The following LRRK1 variants were observed in gnomAD, a reference collection of about 807,000 sequenced individuals.
LRRK1 encodes leucine-rich repeat serine/threonine-protein kinase 1.
LRRK1 carries 113 observed loss-of-function variants against 209.1 expected under a neutral mutation model. That is an observed-to-expected ratio of 0.54 (90% CI 0.46 to 0.63). LRRK1 has a LOEUF of 0.63. Among genes scored for constraint, LRRK1 ranks in the 30% least tolerant of loss-of-function variants. The pLI is 0.00. For missense variants in LRRK1, 2,284 were observed against 2,632.2 expected (o/e 0.87, Z 2.89); for synonymous variants, 1,144 against 1,099.7 (o/e 1.04, Z -0.80).
chr15:100,988,698 G>T lies in LRRK1; in HGVS notation c.498G>T (p.Leu166=), dbSNP rs199710239. 4.5e-4 allele frequency: 728 copies of T among 1,614,156 alleles called. 5 individuals carry two copies. In the African/African-American group the frequency reaches 7.8e-3, roughly 17 times the overall value. Residue 166 remains leucine, a synonymous_variant, in exon 5 of 34, where the codon CTG becomes CTT. Transcript: ENST00000388948. ...MLALACQRGH[L]GVVKLLVLTH... The stretch of plus-strand genomic sequence containing the variant: ...CCTTGGCTTGCCAGCGAGGGCACCT[G>T]GGGGTTGTGAAGCTCCTGGTCCTGA...
At chr15:101,063,015 T>C (rs2036280925) in intron 31 of LRRK1, among the ~76,000 whole-genome samples, 1 of 152,100 alleles carries the variant, frequency 6.6e-6, no homozygotes, top group Non-Finnish European at 1.5e-5. Flanking sequence ...CCTTCCCCTA[T>C]CCGGAGCCTC....
chr15:100,949,379 T>C (rs1310257791), intron 2 of LRRK1, among the ~76,000 whole-genome samples: 1 of 152,088 alleles, frequency 6.6e-6, no homozygotes, highest in East Asian at 1.9e-4. Context: ...GAATTAGTAA[T>C]AAATAAATAA....
At chr15:100,978,131 A>G (rs1279801214) in intron 3 of LRRK1, among the ~76,000 whole-genome samples, 1 of 152,190 alleles carries the variant, frequency 6.6e-6, no homozygotes, top group Non-Finnish European at 1.5e-5. Context: ...TAGAATGGAG[A>G]AGAGAGGACA....
At position 100,988,770 on chromosome 15, in the gene LRRK1, C is replaced by T. The variant is rs1287143179; in HGVS notation, c.570C>T (p.Phe190=). 3.1e-6 allele frequency: 5 copies of T among 1,612,026 alleles called. No individual in the cohort carries two copies. In the East Asian group the frequency reaches 1.1e-4, roughly 36 times the overall value. ...PESYAVRKNE[F]PVIVRLPLYA... is the part of the protein sequence containing the mutation. ...GCTACGCTGTCAGGAAGAATGAGTT[C>T]CCTGTCATCGTGCGCTTGCCCCTGT... The change falls in exon 5 of 34, where the codon TTC becomes TTT. Residue 190 remains phenylalanine (F), a synonymous_variant. Transcript: ENST00000388948.
chr15:101,068,904 A>G lies in LRRK1; in HGVS notation c.*56A>G. On this transcript the variant is annotated 3_prime_UTR_variant, in exon 34 of 34. Transcript: ENST00000388948. ...CTGGCTGGCCCGGGGCTGCAGCCTGACCCCTCTGCCATCGGCCTCTAGTTC... is the reference window on the plus strand; with the variant it reads ...CTGGCTGGCCCGGGGCTGCAGCCTGGCCCCTCTGCCATCGGCCTCTAGTTC... 2.0e-6 allele frequency: 3 copies of G among 1,484,432 alleles called. No individual in the cohort carries two copies. In the South Asian group the frequency reaches 4.0e-5, roughly 20 times the overall value. 92.0% of individuals were successfully genotyped at this position (1,484,432 alleles called of 1,614,324 possible). A position where few individuals can be genotyped will look rare whatever the true frequency, so the allele number is the denominator to read the frequency against.
At chr15:100,932,755 C>T (rs1457390595) in intron 2 of LRRK1, among the ~76,000 whole-genome samples, 3 of 152,172 alleles carry the variant, frequency 2.0e-5, no homozygotes, top group Non-Finnish European at 4.4e-5. Flanking sequence ...ATGCCTGCAC[C>T]TCTCTATTGC....
chr15:101,008,931 C>T lies in LRRK1; in HGVS notation c.857C>T (p.Ser286Phe), dbSNP rs1380348674. The T allele has an allele frequency of 6.2e-7, 1 of 1,614,230 alleles. No individual in the cohort carries two copies. Among genetic ancestry groups the T allele is most frequent in the Admixed American group, 1.7e-5 (1 of 60,022 alleles). ...TGCCAGATCACGGAGCTCGACCTTT[C>T]TGCCAACTGCCTGGCGACCCTCCCC... ...ISCQITELDL[S>F]ANCLATLPSV... Residue 286 changes from serine (S) to phenylalanine (F), a missense_variant, in exon 7 of 34, where the codon TCT becomes TTT. Ser to Phe is a radical substitution (Grantham distance 155). Coordinates refer to ENST00000388948, the MANE Select transcript of LRRK1 (RefSeq NM_024652.6).
rs2036872568 is a variant in LRRK1, at chr15:101,073,343, G to A, written c.*4495G>A. The A allele has an allele frequency of 6.6e-6, 1 of 152,232 alleles. No homozygotes were observed. Among genetic ancestry groups the A allele is most frequent in the Non-Finnish European group, 1.5e-5 (1 of 68,062 alleles). The allele number at this position is 152,232 out of a possible 1,614,324, so 9.4% of individuals were successfully genotyped here. A position where few individuals can be genotyped will look rare whatever the true frequency, so the allele number is the denominator to read the frequency against. On this transcript the variant is annotated 3_prime_UTR_variant, in exon 34 of 34. Transcript: ENST00000388948. ...TCTCTGATTATTCACCCAGGTTTCA[G>A]AGGTGTCAGACCACGCAGGGACGCC... is the stretch of plus-strand genomic sequence containing the variant.
intron 13 of LRRK1, 69 bp downstream of exon 13, chr15:101,021,251 C>A: frequency 1.3e-6 from 2 of 1,534,968 alleles, no homozygotes; most frequent in South Asian, 2.3e-5. Flanking sequence ...CATCCCTAAA[C>A]CAACTGGGAC....
chr15:100,972,270 G>A (rs772934108), intron 2 of LRRK1, among the ~76,000 whole-genome samples: 1 of 148,296 alleles, frequency 6.7e-6, no homozygotes, highest in African/African-American at 2.5e-5. Context: ...GCCTCAAAAG[G>A]ATTTTAAAAT....
At chr15:101,020,159 T>G (rs1042980440) in intron 12 of LRRK1, among the ~76,000 whole-genome samples, 5 of 152,196 alleles carry the variant, frequency 3.3e-5, no homozygotes, top group Non-Finnish European at 7.4e-5. Flanking sequence ...TTCAGTCCTC[T>G]AGTAATTCCT....
Position 100,951,028 on chromosome 15 carries a change from G to T in LRRK1, c.98-22776G>T, listed in dbSNP as rs12595431. Among the ~76,000 whole-genome samples, 46 of 152,324 alleles carry T rather than the reference G, an allele frequency of 3.0e-4. No individual in the cohort carries two copies. The East Asian group carries it at 5.8e-3, about 19-fold the overall frequency. On this transcript the variant is annotated intron_variant, in intron 2 of 33. Transcript: ENST00000388948. ...TGAGGCAGGAGAATGGCGTGAACCC[G>T]GGAGGCGGAGCTTGCAGGGAGCAGA...
intron 3 of LRRK1, among the ~76,000 whole-genome samples, chr15:100,983,015 A>T (rs1205803021): frequency 1.3e-5 from 2 of 152,168 alleles, no homozygotes; most frequent in Non-Finnish European, 2.9e-5. Context: ...TCTACAAAAA[A>T]AATAAACAAA....
intron 12 of LRRK1, among the ~76,000 whole-genome samples, chr15:101,019,467 G>T (rs770099556): frequency 6.6e-6 from 1 of 152,124 alleles, no homozygotes; most frequent in Non-Finnish European, 1.5e-5. Context: ...CTTTATTTCC[G>T]CAGGAGCCCC....
chr15:101,060,231 A>AGAGGCAGG (rs2036080639), intron 29 of LRRK1, among the ~76,000 whole-genome samples: 1 of 152,218 alleles, frequency 6.6e-6, no homozygotes, highest in South Asian at 2.1e-4. Flanking sequence ...AGGAGGCAGG[A>AGAGGCAGG]GAGGCAGGGC....
chr15:100,973,684 C>T (rs1247011459), intron 2 of LRRK1, 120 bp from the exon 3 acceptor site: 12 of 1,041,942 alleles, frequency 1.2e-5, no homozygotes, highest in Admixed American at 4.3e-5. Flanking sequence ...CCTCTCTCTT[C>T]CTGAAGCCCC....
intron 1 of LRRK1, among the ~76,000 whole-genome samples, chr15:100,920,838 C>T (rs768473693): frequency 7.2e-5 from 11 of 152,122 alleles, no homozygotes; most frequent in Admixed American, 5.9e-4. Flanking sequence ...GCAACTGGCA[C>T]GCAATCCAGG....
intron 23 of LRRK1, 79 bp from the exon 24 acceptor site, chr15:101,051,632 C>T: frequency 6.5e-7 from 1 of 1,533,396 alleles, no homozygotes; most frequent in East Asian, 2.3e-5. Context: ...GCCTCAGGGC[C>T]TGGGGTGCAG....
At chr15:100,974,051 T>C (rs1377217914) in intron 3 of LRRK1, 84 bp downstream of exon 3, 6 of 1,125,006 alleles carry the variant, frequency 5.3e-6, no homozygotes, top group African/African-American at 1.6e-5. Context: ...CTCGTTATTG[T>C]CATAACGGTA....
Sources: gnomAD v4.1 joint callset for allele counts (sites outside exome capture counted in the v4.1 genomes callset) on GRCh38, gnomAD v4.1.1 for gene constraint, MANE v1.5 for transcripts, NCBI Gene and HGNC (gene_info 2026-07-23, HGNC 2026-07-21) for gene names.